Variants in MRPS26 observed in about 807,000 individuals in gnomAD.
MRPS26 encodes the protein small ribosomal subunit protein mS26.
In MRPS26, 26 loss-of-function variants were observed where a neutral mutation model predicts 22.7. The observed-to-expected ratio is 1.15, with a 90% CI of 0.84 to 1.59. MRPS26 has a LOEUF of 1.59. Ranked by LOEUF, MRPS26 falls within the 40% of genes most tolerant of loss-of-function variation. MRPS26 has a pLI of 0.00. For synonymous variants in MRPS26, 120 were observed against 124.0 expected, an observed-to-expected ratio of 0.97 and a Z score of 0.22; for missense variants, 291 against 287.7, an observed-to-expected ratio of 1.01 and a Z score of -0.08.
chr20:3,046,312 C>T, intron 1 of MRPS26, 32 bp downstream of exon 1: 1 of 1,604,914 alleles, frequency 6.2e-7, no homozygotes, highest in Non-Finnish European at 8.5e-7. Context: ...GCCGCCCGCG[C>T]GCGCTGGTGA....
Position 3,046,225 on chromosome 20 carries a change from T to C in MRPS26, c.157T>C (p.Phe53Leu). The change falls in exon 1 of 4, where the codon TTC (phenylalanine) becomes CTC (leucine). Residue 53 changes from phenylalanine to leucine, a missense_variant. By Grantham distance (22) the Phe-to-Leu change is conservative. Transcript: ENST00000380325. ...GCCGCCCGCGGTGGACCCTGCGGAG[T>C]TCTTCGTGCTGATGGAGCGTTACCA... is the stretch of plus-strand genomic sequence containing the variant. ...NMPPAVDPAE[F>L]FVLMERYQHY... 6.2e-7 allele frequency: 1 copy of C among 1,604,836 alleles called. No homozygotes were observed.
At chr20:3,046,561 C>T (rs770047614) in intron 2 of MRPS26, 42 bp downstream of exon 2, 40 of 1,516,476 alleles carry the variant, frequency 2.6e-5, no homozygotes, top group Non-Finnish European at 3.4e-5. Context: ...GCGGCCTGGC[C>T]GGCCTGGGAG....
rs1300740405 is a variant in MRPS26, at chr20:3,048,175, G to A, written c.*306G>A. The A allele has an allele frequency of 3.9e-6, 1 of 253,980 alleles. No individual in the cohort carries two copies. The highest frequency in any genetic ancestry group is 2.2e-5 in the African/African-American group (1 of 44,674). 15.7% of individuals were successfully genotyped at this position (253,980 alleles called of 1,614,324 possible). ...GGTCATCTGAGTATCATTAAGAGTA[G>A]TGATGGGAAGATTACAGTCTGAGGG... On this transcript the variant is annotated 3_prime_UTR_variant, in exon 4 of 4. Coordinates refer to ENST00000380325, the MANE Select transcript of MRPS26 (RefSeq NM_030811.4). This position sits in a 1 kb window ranked among gnomAD's most constrained non-coding sequence, Gnocchi z 4.1.
chr20:3,046,480 C>A lies in MRPS26; in HGVS notation c.320C>A (p.Ala107Asp). 1 of 1,583,232 alleles carries A rather than the reference C, an allele frequency of 6.3e-7. No individual in the cohort carries two copies. The highest frequency in any genetic ancestry group is 8.5e-7 in the Non-Finnish European group (1 of 1,170,232). Residue 107 changes from alanine to aspartate, a missense_variant, in exon 2 of 4, where the codon GCC (alanine) becomes GAC (aspartate). Coordinates refer to ENST00000380325, the MANE Select transcript of MRPS26 (RefSeq NM_030811.4). ...GCCGCCGAGCACCGCGAGCTGATGGCCTGGAACCAGGCGGAGAACCGGCGG... is the reference window on the plus strand; with the variant it reads ...GCCGCCGAGCACCGCGAGCTGATGGACTGGAACCAGGCGGAGAACCGGCGG... ...KDAAEHRELM[A>D]WNQAENRRLH...
chr20:3,047,427 A>G (rs114932680), intron 3 of MRPS26, among the ~76,000 whole-genome samples: 1,637 of 152,218 alleles, frequency 0.011, 26 homozygotes, highest in African/African-American at 0.036. Flanking sequence ...AATGGGGGGA[A>G]GGATGAGTTA....
rs1396392732 is a variant in MRPS26, at chr20:3,046,606, C to T, written c.360-8C>T. On this transcript the variant is annotated splice_region_variant and splice_polypyrimidine_tract_variant and intron_variant, in intron 2 of 3. Transcript: ENST00000380325. ...CCCCGCTCAGCCTCGGCCCTTTGAC[C>T]CTCACAGGATAGCGAGGCTGCGGCA... 8 of 1,538,566 alleles carry T rather than the reference C, an allele frequency of 5.2e-6. No homozygotes were observed. Among genetic ancestry groups the T allele is most frequent in the Non-Finnish European group, 7.0e-6 (8 of 1,139,976 alleles).
intron 3 of MRPS26, 140 bp downstream of exon 3, chr20:3,046,877 C>CGCCT (rs1281672056): frequency 2.9e-6 from 4 of 1,368,126 alleles, no homozygotes; most frequent in Non-Finnish European, 3.9e-6. Context: ...GAGGAGAGTG[C>CGCCT]CAGTCAGGCG....
Position 3,046,661 on chromosome 20 carries a change from C to A in MRPS26, c.407C>A (p.Ala136Glu). The change falls in exon 3 of 4, where the codon GCG (alanine) becomes GAG (glutamate). Residue 136 changes from alanine to glutamate, a missense_variant. Physicochemically the swap from Ala to Glu is moderately radical, Grantham distance 107. Transcript: ENST00000380325. ...GAGCGGGAGCAGGAGCAGCGGCAGG[C>A]GTTGGAGCAGGCCCGCAAGGCCGAA... ...QEEREQEQRQALEQARKAEEV... is the reference protein window; with the variant it reads ...QEEREQEQRQELEQARKAEEV... The A allele has an allele frequency of 6.5e-7, 1 of 1,541,662 alleles. No homozygotes were observed. Among genetic ancestry groups the A allele is most frequent in the Non-Finnish European group, 8.8e-7 (1 of 1,141,476 alleles).
chr20:3,047,643 C>T (rs2065995156), intron 3 of MRPS26, 92 bp from the exon 4 acceptor site: 3 of 1,540,836 alleles, frequency 1.9e-6, no homozygotes, highest in Middle Eastern at 2.2e-4. Context: ...GCAGGAGCTG[C>T]TTTCTCAGTG....
Position 3,046,492 on chromosome 20 carries a change from C to T in MRPS26, c.332C>T (p.Ala111Val), listed in dbSNP as rs1336688696. 2 of 1,570,646 alleles carry T rather than the reference C, an allele frequency of 1.3e-6. No individual in the cohort carries two copies. Among genetic ancestry groups the T allele is most frequent in the Non-Finnish European group, 1.7e-6 (2 of 1,164,490 alleles). Reference sequence around the variant, plus strand: ...CGCGAGCTGATGGCCTGGAACCAGGCGGAGAACCGGCGGCTGCACGAGCTG... The same window carrying T: ...CGCGAGCTGATGGCCTGGAACCAGGTGGAGAACCGGCGGCTGCACGAGCTG... Reference protein sequence around the residue: ...EHRELMAWNQAENRRLHELRI... With the variant: ...EHRELMAWNQVENRRLHELRI... Residue 111 changes from alanine to valine, a missense_variant, in exon 2 of 4, where the codon GCG (alanine) becomes GTG (valine). Coordinates refer to ENST00000380325, the MANE Select transcript of MRPS26 (RefSeq NM_030811.4).
At position 3,046,223 on chromosome 20, in the gene MRPS26, A is replaced by G. The variant is rs1396946958; in HGVS notation, c.155A>G (p.Glu52Gly). ...ATGCCGCCCGCGGTGGACCCTGCGG[A>G]GTTCTTCGTGCTGATGGAGCGTTAC... The part of the protein sequence containing the change: ...VNMPPAVDPA[E>G]FFVLMERYQH... Residue 52 changes from glutamate to glycine, a missense_variant, in exon 1 of 4, where the codon GAG (glutamate) becomes GGG (glycine). Coordinates refer to ENST00000380325, the MANE Select transcript of MRPS26 (RefSeq NM_030811.4). 4.4e-6 allele frequency: 7 copies of G among 1,604,596 alleles called. No homozygotes were observed. The highest frequency in any genetic ancestry group is 5.1e-6 in the Non-Finnish European group (6 of 1,179,604).
At chr20:3,047,387 AAAATAAATAAAT>A (rs140175929) in intron 3 of MRPS26, among the ~76,000 whole-genome samples, 1 of 150,718 alleles carries the variant, frequency 6.6e-6, no homozygotes, top group Non-Finnish European at 1.5e-5. Flanking sequence ...ACTCCGTCTC[AAAATAAATAAAT>A]AAATAAATAA....
rs537515207 is a variant in MRPS26 at position 3,047,157 on chromosome 20, A to G, written c.483+420A>G. On this transcript the variant is annotated intron_variant, in intron 3 of 3. Coordinates refer to ENST00000380325, the MANE Select transcript of MRPS26 (RefSeq NM_030811.4). Reference sequence around the variant, plus strand: ...GGTTCACGCCTGTAATCCCAGTACTATGGGAGGCCGAAGCGGGCGTATCAC... The same window carrying G: ...GGTTCACGCCTGTAATCCCAGTACTGTGGGAGGCCGAAGCGGGCGTATCAC... Among the ~76,000 whole-genome samples, 13 of 152,166 alleles carry G rather than the reference A, an allele frequency of 8.5e-5. No homozygotes were observed. In the East Asian group the frequency reaches 2.5e-3, roughly 29 times the overall value.
In MRPS26 at chr20:3,046,742, G is replaced by A. The variant is rs1370333182; in HGVS notation, c.483+5G>A. 14 of 1,538,412 alleles carry A rather than the reference G, an allele frequency of 9.1e-6. No homozygotes were observed. The highest frequency in any genetic ancestry group is 1.1e-5 in the Non-Finnish European group (13 of 1,144,408). ...CGGGAAGTGCTGCAGCTGCAGGTGG[G>A]CAACGTCTCCGGAGGGTGGGACTCC... On this transcript the variant is annotated splice_donor_5th_base_variant and intron_variant, in intron 3 of 3. Transcript: ENST00000380325.
intron 1 of MRPS26, 26 bp from the exon 2 acceptor site, chr20:3,046,347 C>T (rs766665473): frequency 3.7e-6 from 6 of 1,607,070 alleles, no homozygotes; most frequent in Admixed American, 1.7e-5. Flanking sequence ...GGAGAGGGTG[C>T]TGATTCCTGG....
In MRPS26 at chr20:3,046,064, C is replaced by T. The variant is rs2065985662; in HGVS notation, c.-5C>T. On this transcript the variant is annotated 5_prime_UTR_variant, in exon 1 of 4. Coordinates refer to ENST00000380325, the MANE Select transcript of MRPS26 (RefSeq NM_030811.4). The stretch of plus-strand genomic sequence containing the variant: ...GCACCGCGGCCGCAGTGAGGAGACT[C>T]GGCCATGCTACGCGCGCTGAGCCGC... The T allele has an allele frequency of 2.0e-6, 3 of 1,489,690 alleles. No individual in the cohort carries two copies. Among genetic ancestry groups the T allele is most frequent in the Non-Finnish European group, 2.7e-6 (3 of 1,129,720 alleles). 92.3% of individuals were successfully genotyped at this position (1,489,690 alleles called of 1,614,324 possible). A position where few individuals can be genotyped will look rare whatever the true frequency, so the allele number is the denominator to read the frequency against.
Position 3,047,903 on chromosome 20 carries a change from T to C in MRPS26, c.*34T>C, listed in dbSNP as rs1222404714. ...TAAGGACAGTGCCCGCCAGGGACCATGTATGTATCATGGCGGAAGAGTTGG... is the reference window on the plus strand; with the variant it reads ...TAAGGACAGTGCCCGCCAGGGACCACGTATGTATCATGGCGGAAGAGTTGG... On this transcript the variant is annotated 3_prime_UTR_variant, in exon 4 of 4. Coordinates refer to ENST00000380325, the MANE Select transcript of MRPS26 (RefSeq NM_030811.4). The C allele has an allele frequency of 6.4e-7, 1 of 1,568,390 alleles. No individual in the cohort carries two copies.
In MRPS26 at chr20:3,046,417, G is replaced by A. The variant is rs1223062340; in HGVS notation, c.257G>A (p.Arg86Gln). 11 of 1,606,464 alleles carry A rather than the reference G, an allele frequency of 6.8e-6. No homozygotes were observed. Among genetic ancestry groups the A allele is most frequent in the Middle Eastern group, 1.7e-4 (1 of 6,056 alleles). The part of the protein sequence containing the change: ...SEVQRKVHEA[R>Q]AGVLAERKAL... ...GTGCAGAGGAAGGTGCACGAGGCCCGAGCCGGGGTTCTGGCGGAGCGCAAG... is the reference window on the plus strand; with the variant it reads ...GTGCAGAGGAAGGTGCACGAGGCCCAAGCCGGGGTTCTGGCGGAGCGCAAG... Residue 86 changes from arginine (R) to glutamine (Q), a missense_variant, in exon 2 of 4, where the codon CGA becomes CAA. Physicochemically the swap from Arg to Gln is conservative, Grantham distance 43. Transcript: ENST00000380325.
In MRPS26 at chr20:3,047,630, AGAGCAGGAGCTGCTTTCTC is replaced by A. The variant is rs148754411; in HGVS notation, c.484-104_484-86del. ...GGGTTCCAGGCATGCTTCCCCAGGG[AGAGCAGGAGCTGCTTTCTC>A]AGTGGGGTGAGAGGCCAGCAGGCTG... On this transcript the variant is annotated intron_variant, in intron 3 of 3. Transcript: ENST00000380325. The A allele has an allele frequency of 4.8e-3, 7,150 of 1,499,308 alleles. 240 individuals carry two copies. The African/African-American group carries it at 0.081, about 17-fold the overall frequency. The allele number at this position is 1,499,308 out of a possible 1,614,324, so 92.9% of individuals were successfully genotyped here.
Sources: allele counts gnomAD v4.1 joint callset (sites outside exome capture counted in the v4.1 genomes callset), GRCh38; gene constraint gnomAD v4.1.1; non-coding constraint Gnocchi (gnomAD v3.1); transcripts MANE v1.5; gene names NCBI Gene and HGNC (gene_info 2026-07-23, HGNC 2026-07-21).